The following PARP4 variants were observed in gnomAD, a reference collection of about 807,000 sequenced individuals.
PARP4 encodes poly(ADP-ribose) polymerase family member 4, also known as protein mono-ADP-ribosyltransferase PARP4.
A neutral mutation model predicts 187.7 loss-of-function variants in PARP4; 120 were observed. The ratio of observed to expected loss-of-function variants is 0.64; its 90% CI spans 0.55 to 0.74. The LOEUF is 0.74. Ranked by LOEUF, PARP4 falls within the 30% of genes least tolerant of loss-of-function variation. PARP4 has a pLI of 0.00. For missense variants in PARP4, 1,836 were observed against 2,070.5 expected, an observed-to-expected ratio of 0.89 and a Z score of 2.20; for synonymous variants, 654 against 740.9, an observed-to-expected ratio of 0.88 and a Z score of 1.90.
chr13:24,484,732 T>G lies in PARP4; in HGVS notation c.1369A>C (p.Lys457Gln). ...TGCACACCACGATCTTCCACTACTT[T>G]GGGTAAAAGCAACCCTCTGAAAAGA... ...GILCRGLLLP[K>Q]VVEDRGVQRT... The change falls in exon 12 of 34, where the codon AAA becomes CAA. Residue 457 changes from lysine (K) to glutamine (Q), a missense_variant. Physicochemically the swap from Lys to Gln is moderately conservative, Grantham distance 53. Transcript: ENST00000381989. 1 of 1,600,550 alleles carries G rather than the reference T, an allele frequency of 6.2e-7. No individual in the cohort carries two copies. The highest frequency in any genetic ancestry group is 8.6e-7 in the Non-Finnish European group (1 of 1,167,582).
intron 32 of PARP4, among the ~76,000 whole-genome samples, chr13:24,427,085 C>T (rs984782052): frequency 6.6e-6 from 1 of 151,990 alleles, no homozygotes; most frequent in African/African-American, 2.4e-5. Context: ...ATCCAGAGTG[C>T]CCCTCACTTG....
chr13:24,421,158 C>T lies in PARP4; in HGVS notation c.5136G>A (p.Val1712=). 6.8e-7 allele frequency: 1 copy of T among 1,480,572 alleles called. No individual in the cohort carries two copies. Among genetic ancestry groups the T allele is most frequent in the Non-Finnish European group, 9.0e-7 (1 of 1,111,504 alleles). 91.7% of individuals were successfully genotyped at this position (1,480,572 alleles called of 1,614,324 possible). ...QLLGLQPIST[V]SPLHRVLHYS... ...AATGGAGGACTCTATGAAGAGGGGA[C>T]ACAGTGCTTATGGGCTGGAGTCCCA... Residue 1712 remains valine, a synonymous_variant, in exon 34 of 34, where the codon GTG becomes GTA. Transcript: ENST00000381989.
At chr13:24,490,211 C>T (rs1868553165) in intron 10 of PARP4, among the ~76,000 whole-genome samples, 1 of 152,114 alleles carries the variant, frequency 6.6e-6, no homozygotes, top group African/African-American at 2.4e-5. Context: ...TGCCCCTCAG[C>T]GCAGGACCCT....
intron 33 of PARP4, among the ~76,000 whole-genome samples, chr13:24,424,122 G>T (rs1321390130): frequency 1.3e-5 from 2 of 152,140 alleles, no homozygotes; most frequent in Admixed American, 6.5e-5. Context: ...AATTTGCCTA[G>T]CCCAGAACTT....
At position 24,490,902 on chromosome 13, in the gene PARP4, T is replaced by C; in HGVS notation, c.1054-74A>G. The C allele has an allele frequency of 4.6e-6, 6 of 1,309,168 alleles. No homozygotes were observed. The South Asian group carries it at 5.4e-5, about 12-fold the overall frequency. The allele number at this position is 1,309,168 out of a possible 1,614,324, so 81.1% of individuals were successfully genotyped here. A position where few individuals can be genotyped will look rare whatever the true frequency, so the allele number is the denominator to read the frequency against. On this transcript the variant is annotated intron_variant, in intron 9 of 33. Transcript: ENST00000381989. ...TTAATATTTATATCACATTAACACT[T>C]TCTCAAAAAGATAGGAAAAGTCCAT...
chr13:24,503,017 G>A (rs2137546313), intron 2 of PARP4, among the ~76,000 whole-genome samples: 1 of 152,308 alleles, frequency 6.6e-6, no homozygotes, highest in African/African-American at 2.4e-5. Context: ...GGCACCTAGA[G>A]CCTTTGGATT....
At chr13:24,503,304 G>A (rs571415745) in intron 2 of PARP4, among the ~76,000 whole-genome samples, 8 of 152,336 alleles carry the variant, frequency 5.3e-5, no homozygotes, top group South Asian at 4.1e-4. Context: ...ACGACAGTGC[G>A]CTTTTTGCAA....
chr13:24,494,637 C>G lies in PARP4; in HGVS notation c.677G>C (p.Gly226Ala), dbSNP rs1566018341. ...TGTGAAATGTTCTCTTAGTAGAAAT[C>G]CTTGTTTCTTCAGTTCTTCAATGTA... ...ENYIEELKKQ[G>A]FLLREHFTPE... Residue 226 changes from glycine to alanine, a missense_variant, in exon 7 of 34, where the codon GGA (glycine) becomes GCA (alanine). Physicochemically the swap from Gly to Ala is moderately conservative, Grantham distance 60. Around this residue, in one of 8 missense-constraint regions of PARP4, gnomAD observed 1,147 missense variants for 1,214.2 expected, o/e 0.94. Coordinates refer to ENST00000381989, the MANE Select transcript of PARP4 (RefSeq NM_006437.4). 6.2e-7 allele frequency: 1 copy of G among 1,610,672 alleles called. No homozygotes were observed. The highest frequency in any genetic ancestry group is 2.2e-5 in the East Asian group (1 of 44,786).
At chr13:24,494,857 A>T (rs1430646377) in intron 6 of PARP4, 135 bp from the exon 7 acceptor site, 1 of 582,254 alleles carries the variant, frequency 1.7e-6, no homozygotes, top group Non-Finnish European at 2.9e-6. Context: ...CTTAAATTTT[A>T]AATTCTTTTT....
intron 12 of PARP4, among the ~76,000 whole-genome samples, chr13:24,484,040 A>T (rs1873422497): frequency 6.6e-6 from 1 of 152,164 alleles, no homozygotes; most frequent in East Asian, 1.9e-4. Context: ...ATCTTGGATC[A>T]TTATCCTTTG....
intron 30 of PARP4, among the ~76,000 whole-genome samples, chr13:24,440,652 G>C (rs1326870624): frequency 6.6e-6 from 1 of 152,138 alleles, no homozygotes; most frequent in Non-Finnish European, 1.5e-5. Context: ...CATTAGGACT[G>C]GGGCACTGGG....
Position 24,441,960 on chromosome 13 carries a change from A to G in PARP4, c.3552T>C (p.Asn1184=), listed in dbSNP as rs766030676. 4.4e-6 allele frequency: 7 copies of G among 1,599,502 alleles called. No individual in the cohort carries two copies. The South Asian group carries it at 7.9e-5, about 18-fold the overall frequency. ...TTGGAATATCAGGAAAAGGCGACTC[A>G]TTCTCATCCTATATTGAATCACAAA... The part of the protein sequence containing the change: ...SFVAVEKRDE[N]ESPFPDIPKV... Residue 1184 remains asparagine, a synonymous_variant, in exon 30 of 34, where the codon AAT becomes AAC. Transcript: ENST00000381989.
At chr13:24,499,411 T>G in intron 4 of PARP4, 35 bp from the exon 5 acceptor site, 1 of 1,512,638 alleles carries the variant, frequency 6.6e-7, no homozygotes, top group Non-Finnish European at 8.9e-7. Flanking sequence ...AATTTTAACA[T>G]TAAATGGATT....
intron 17 of PARP4, among the ~76,000 whole-genome samples, chr13:24,460,790 G>T (rs1206538101): frequency 6.6e-6 from 1 of 152,112 alleles, no homozygotes; most frequent in East Asian, 1.9e-4. Flanking sequence ...CCAGGTCTAA[G>T]CCATCCTCTT....
At chr13:24,444,575 A>T (rs201814881) in intron 27 of PARP4, among the ~76,000 whole-genome samples, 1 of 152,206 alleles carries the variant, frequency 6.6e-6, no homozygotes, top group African/African-American at 2.4e-5. Context: ...TAAATAGCAT[A>T]TATAGGCTAG....
At chr13:24,428,274 C>T (rs1212544567) in intron 32 of PARP4, among the ~76,000 whole-genome samples, 3 of 152,168 alleles carry the variant, frequency 2.0e-5, no homozygotes, top group Non-Finnish European at 2.9e-5. Flanking sequence ...TTTCTCAGGC[C>T]GCTCCTTCTC....
chr13:24,470,220 G>A (rs1593624339), intron 15 of PARP4, among the ~76,000 whole-genome samples, 195 bp from the exon 16 acceptor site: 3 of 152,280 alleles, frequency 2.0e-5, no homozygotes, highest in South Asian at 2.1e-4. Flanking sequence ...CCAGTCCCAC[G>A]GTTAGGTGGT....
chr13:24,475,532 C>T lies in PARP4; in HGVS notation c.1854G>A (p.Gly618=), dbSNP rs1659858086. 6 of 1,613,906 alleles carry T rather than the reference C, an allele frequency of 3.7e-6. No individual in the cohort carries two copies. The highest frequency in any genetic ancestry group is 2.7e-5 in the African/African-American group (2 of 75,052). ...STKAGLQDAS[G]NLVPLEDVHI... is the part of the protein sequence containing the mutation. ...GGACATCCTCCAGAGGAACCAAGTT[C>T]CCAGAGGCATCCTGGAGGCCGGCCT... The change falls in exon 15 of 34, where the codon GGG becomes GGA. Residue 618 remains glycine, a synonymous_variant. Coordinates refer to ENST00000381989, the MANE Select transcript of PARP4 (RefSeq NM_006437.4).
chr13:24,494,178 T>A (rs1868816135), intron 7 of PARP4, among the ~76,000 whole-genome samples: 1 of 152,318 alleles, frequency 6.6e-6, no homozygotes, highest in East Asian at 1.9e-4. Flanking sequence ...TTTTCTGAAC[T>A]CCTCCTCTTC....
Sources: allele counts gnomAD v4.1 joint callset (sites outside exome capture counted in the v4.1 genomes callset), GRCh38; gene constraint gnomAD v4.1.1; regional missense constraint gnomAD v4.1.1; transcripts MANE v1.5; gene names NCBI Gene and HGNC (gene_info 2026-07-23, HGNC 2026-07-21).